Variants in AIFM3 observed in about 807,000 individuals in gnomAD.
AIFM3 encodes AIF family member 3.
A neutral mutation model predicts 82.7 loss-of-function variants in AIFM3; 71 were observed. The ratio of observed to expected loss-of-function variants is 0.86; its 90% CI spans 0.71 to 1.05. The LOEUF (loss-of-function observed/expected upper bound fraction) is 1.05, where lower values mean the gene tolerates loss of function less well. AIFM3 is among the 50% of genes least tolerant of loss of function. The probability of loss-of-function intolerance (pLI) is 0.00; values close to 1 mark genes in which losing one functional copy is unlikely to be tolerated. For synonymous variants in AIFM3, 337 were observed against 329.1 expected (o/e 1.02, Z -0.26); for missense variants, 748 against 816.7 (o/e 0.92, Z 1.03).
chr22:20,976,565 G>A, intron 11 of AIFM3, 27 bp downstream of exon 11: 1 of 1,613,026 alleles, frequency 6.2e-7, no homozygotes, highest in Non-Finnish European at 8.5e-7. Flanking sequence ...AGTGGAGATG[G>A]TGGTCAGGTC....
rs968172682 is a variant in AIFM3, at chr22:20,976,313, G to C, written c.899+7G>C. Reference sequence around the variant, plus strand: ...TGCTGGCACCAGGGAGCAGGTGGGAGGGTCTCCTTTTTACCCATCGGACAC... The same window carrying C: ...TGCTGGCACCAGGGAGCAGGTGGGACGGTCTCCTTTTTACCCATCGGACAC... On this transcript the variant is annotated splice_region_variant and intron_variant, in intron 10 of 20. Coordinates refer to ENST00000440238, the MANE Select transcript of AIFM3 (RefSeq NM_001386814.1). The C allele has an allele frequency of 1.2e-6, 2 of 1,613,942 alleles. No homozygotes were observed. Among genetic ancestry groups the C allele is most frequent in the Admixed American group, 3.3e-5 (2 of 60,024 alleles).
rs141390776 is a variant in AIFM3, at chr22:20,976,247, C to T, written c.840C>T (p.Val280=). 56 of 1,613,960 alleles carry T rather than the reference C, an allele frequency of 3.5e-5. No individual in the cohort carries two copies. The African/African-American group carries it at 4.3e-4, about 12-fold the overall frequency. The stretch of plus-strand genomic sequence containing the variant: ...CAGTGGACGTGAGAACTAAGAAGGT[C>T]GTGTTCAAGGATGGCTTCAAGCTGG... ...VVTVDVRTKK[V]VFKDGFKLEY... is the part of the protein sequence containing the mutation. The change falls in exon 10 of 21, where the codon GTC becomes GTT. Residue 280 remains valine (V), a synonymous_variant. Transcript: ENST00000440238.
At chr22:20,972,037 C>T (rs1923301137) in intron 2 of AIFM3, among the ~76,000 whole-genome samples, 1 of 151,962 alleles carries the variant, frequency 6.6e-6, no homozygotes, top group Non-Finnish European at 1.5e-5. Context: ...CCCCAGGGCA[C>T]ACGAGGACAC....
rs758668022 is a variant in AIFM3, at chr22:20,976,885, G to T, written c.1165G>T (p.Val389Leu). Residue 389 changes from valine (V) to leucine (L), a missense_variant, in exon 13 of 21, where the codon GTG becomes TTG. Val to Leu is a conservative substitution (Grantham distance 32). Coordinates refer to ENST00000440238, the MANE Select transcript of AIFM3 (RefSeq NM_001386814.1). ...ALMKMFENNR[V>L]KFYMQTEVSE... ...CTGACAGATGTTTGAGAACAACCGG[G>T]TGAAGTTCTACATGCAGACGGAGGT... 35 of 1,605,108 alleles carry T rather than the reference G, an allele frequency of 2.2e-5. No homozygotes were observed. The highest frequency in any genetic ancestry group is 1.7e-4 in the Middle Eastern group (1 of 6,040).
rs2147947682 is a variant in AIFM3, at chr22:20,977,685, C to A, written c.1283-15C>A. 6 of 1,613,656 alleles carry A rather than the reference C, an allele frequency of 3.7e-6. No individual in the cohort carries two copies. The highest frequency in any genetic ancestry group is 5.1e-6 in the Non-Finnish European group (6 of 1,179,640). ...GCAGGGACAGGGGAGTGGACACAGG[C>A]TTCCGTCCTGTCAGGTGCAGTGCCC... On this transcript the variant is annotated splice_polypyrimidine_tract_variant and intron_variant, in intron 14 of 20. Coordinates refer to ENST00000440238, the MANE Select transcript of AIFM3 (RefSeq NM_001386814.1).
intron 16 of AIFM3, among the ~76,000 whole-genome samples, chr22:20,978,232 C>T (rs868220476): frequency 4.6e-5 from 7 of 150,814 alleles, no homozygotes; most frequent in Admixed American, 2.0e-4. Flanking sequence ...TTCTGGTAGT[C>T]TCTCCCTTTT....
intron 2 of AIFM3, 148 bp downstream of exon 2, chr22:20,968,123 C>T: frequency 1.2e-6 from 1 of 818,164 alleles, no homozygotes; most frequent in East Asian, 2.7e-5. Flanking sequence ...TACGCTGCCG[C>T]CAGGAGGGGG....
chr22:20,974,045 A>G lies in AIFM3; in HGVS notation c.356-18A>G. On this transcript the variant is annotated intron_variant, in intron 4 of 20. Transcript: ENST00000440238. ...CAACCCCTGCTGGTGGGCGCAGCCT[A>G]ACACCTCCCCTTCCCAGGCGTTCTG... 6.3e-7 allele frequency: 1 copy of G among 1,592,788 alleles called. No individual in the cohort carries two copies. The highest frequency in any genetic ancestry group is 1.3e-5 in the African/African-American group (1 of 74,792).
intron 16 of AIFM3, among the ~76,000 whole-genome samples, chr22:20,979,003 A>G (rs1923875951): frequency 6.6e-6 from 1 of 151,992 alleles, no homozygotes; most frequent in South Asian, 2.1e-4. Context: ...TACTCCCCCA[A>G]CCCCAAGAAG....
intron 8 of AIFM3, among the ~76,000 whole-genome samples, chr22:20,975,483 C>G (rs1236533484): frequency 6.6e-6 from 1 of 152,220 alleles, no homozygotes; most frequent in Non-Finnish European, 1.5e-5. Flanking sequence ...GCTGCCCAGG[C>G]TGGTCTTGAA....
rs1314597366 is a variant in AIFM3, at chr22:20,977,568, T to G, written c.1283-132T>G. 3.6e-6 allele frequency: 4 copies of G among 1,109,368 alleles called. No individual in the cohort carries two copies. In the African/African-American group the frequency reaches 6.2e-5, roughly 17 times the overall value. The allele number at this position is 1,109,368 out of a possible 1,614,324, so 68.7% of individuals were successfully genotyped here. A position where few individuals can be genotyped will look rare whatever the true frequency, so the allele number is the denominator to read the frequency against. ...ACCGGGTAGTGGGGACCAGGGTGCATGAAGGCCTCAGGTAGACAGCCCCTG... is the reference window on the plus strand; with the variant it reads ...ACCGGGTAGTGGGGACCAGGGTGCAGGAAGGCCTCAGGTAGACAGCCCCTG... On this transcript the variant is annotated intron_variant, in intron 14 of 20. Transcript: ENST00000440238.
rs1923650414 is a variant in AIFM3, at chr22:20,976,269, C to G, written c.862C>G (p.Leu288Val). 1 of 1,614,080 alleles carries G rather than the reference C, an allele frequency of 6.2e-7. No individual in the cohort carries two copies. The highest frequency in any genetic ancestry group is 8.5e-7 in the Non-Finnish European group (1 of 1,180,014). Residue 288 changes from leucine to valine, a missense_variant, in exon 10 of 21, where the codon CTG becomes GTG. This residue lies in a region of AIFM3 where 393 missense variants were observed against 481.1 expected (regional missense o/e 0.82). Transcript: ENST00000440238. ...KKVVFKDGFKLEYSKLLLAPG... is the reference protein window; with the variant it reads ...KKVVFKDGFKVEYSKLLLAPG... ...GGTCGTGTTCAAGGATGGCTTCAAG[C>G]TGGAGTACAGCAAGCTGCTGCTGGC...
At chr22:20,978,070 C>A in intron 16 of AIFM3, 65 bp downstream of exon 16, 1 of 1,488,606 alleles carries the variant, frequency 6.7e-7, no homozygotes, top group Non-Finnish European at 9.4e-7. Context: ...TGTCCCCATG[C>A]CCATGCCTCA....
In AIFM3 at chr22:20,973,364, C is replaced by A; in HGVS notation, c.89C>A (p.Ser30Ter). 6.2e-7 allele frequency: 1 copy of A among 1,609,304 alleles called. No individual in the cohort carries two copies. Among genetic ancestry groups the A allele is most frequent in the Non-Finnish European group, 8.5e-7 (1 of 1,178,274 alleles). The change falls in exon 3 of 21, where the codon TCG becomes TAG. Residue 30 changes from serine to a stop codon, truncating the protein, a stop_gained. Transcript: ENST00000440238. LOFTEE classifies it high-confidence loss of function. Reference sequence around the variant, plus strand: ...AAGGAGCGAGGCAAGGAGGAGCTGTCGGCCAGTGGGAAGGGCAGCCCCCGG... The same window carrying A: ...AAGGAGCGAGGCAAGGAGGAGCTGTAGGCCAGTGGGAAGGGCAGCCCCCGG... Reference protein sequence around the residue: ...PEKERGKEELSASGKGSPRAY... With the variant: ...PEKERGKEEL
rs1013432313 is a variant in AIFM3, at chr22:20,981,331, G to A, written c.*300G>A. 9.5e-6 allele frequency: 4 copies of A among 421,122 alleles called. No individual in the cohort carries two copies. The highest frequency in any genetic ancestry group is 4.0e-5 in the African/African-American group (2 of 49,834). The allele number at this position is 421,122 out of a possible 1,614,324, so 26.1% of individuals were successfully genotyped here. On this transcript the variant is annotated 3_prime_UTR_variant, in exon 21 of 21. Coordinates refer to ENST00000440238, the MANE Select transcript of AIFM3 (RefSeq NM_001386814.1). ...ACCCTGCAACACGTTAAACATTACC[G>A]TAAAATTAAAACGCACAAATTTGCA...
intron 16 of AIFM3, among the ~76,000 whole-genome samples, chr22:20,978,676 G>T (rs1923855806): frequency 6.6e-6 from 1 of 151,924 alleles, no homozygotes; most frequent in Admixed American, 6.6e-5. Flanking sequence ...TCTGCTGCTT[G>T]AAACCCCACT....
In AIFM3 at chr22:20,968,044, C is replaced by G. The variant is rs546346131; in HGVS notation, c.31+69C>G. The G allele has an allele frequency of 3.3e-4, 489 of 1,490,226 alleles. 5 individuals are homozygous for G. The South Asian group carries it at 4.3e-3, about 13-fold the overall frequency. 92.3% of individuals were successfully genotyped at this position (1,490,226 alleles called of 1,614,324 possible). On this transcript the variant is annotated intron_variant, in intron 2 of 20. Transcript: ENST00000440238. ...GCCTCCTCCTCCCCCGTCTCCCCCC[C>G]CTCCCCCTCTGCACTCGGTAGGCCT... is the stretch of plus-strand genomic sequence containing the variant.
In AIFM3 at chr22:20,980,106, TC is replaced by T; in HGVS notation, c.1741del (p.Arg581GlyfsTer62). On this transcript the variant is annotated frameshift_variant, in exon 19 of 21. Coordinates refer to ENST00000440238, the MANE Select transcript of AIFM3 (RefSeq NM_001386814.1). LOFTEE classifies it high-confidence loss of function. ...VAEVLASGRAIRKREVELFVL... is the reference protein window; with the variant it reads ...VAEVLASGRAXRKREVELFVL... ...GAGGTGCTGGCCTCAGGCCGTGCCA[TC>T]CGGAAGCGGGAGGTGGAGTGAGTGT... 1.2e-6 allele frequency: 2 copies of T among 1,608,906 alleles called. No individual in the cohort carries two copies. Among genetic ancestry groups the T allele is most frequent in the Non-Finnish European group, 1.7e-6 (2 of 1,179,976 alleles).
intron 2 of AIFM3, among the ~76,000 whole-genome samples, chr22:20,972,942 G>T (rs993686706): frequency 6.6e-6 from 1 of 152,096 alleles, no homozygotes; most frequent in African/African-American, 2.4e-5. Flanking sequence ...AGCTACTGGG[G>T]AGGCTGAGAT....
Sources: allele counts gnomAD v4.1 joint callset (sites outside exome capture counted in the v4.1 genomes callset), GRCh38; gene constraint gnomAD v4.1.1; regional missense constraint gnomAD v4.1.1; transcripts MANE v1.5; gene names NCBI Gene and HGNC (gene_info 2026-07-23, HGNC 2026-07-21).